SDK1: variants seen among roughly 807,000 people sequenced by gnomAD.
SDK1 encodes sidekick cell adhesion molecule 1.
Under a neutral mutation model 245.5 loss-of-function variants are expected in SDK1, and 157 were observed. The ratio of observed to expected loss-of-function variants is 0.64; its 90% CI spans 0.56 to 0.73. SDK1 has a LOEUF of 0.73. Ranked by LOEUF, SDK1 falls within the 30% of genes least tolerant of loss-of-function variation. The pLI is 0.00. For synonymous variants in SDK1, 1,647 were observed against 1,278.5 expected, an observed-to-expected ratio of 1.29 and a Z score of -6.15; for missense variants, 3,583 against 3,002.3, an observed-to-expected ratio of 1.19 and a Z score of -4.52.
intron 1 of SDK1, among the ~76,000 whole-genome samples, chr7:3,502,359 C>G (rs980258003): frequency 6.6e-6 from 1 of 152,142 alleles, no homozygotes; most frequent in African/African-American, 2.4e-5. Flanking sequence ...AAGCTATTCT[C>G]TTGCCTCAGC....
At chr7:3,329,699 C>G (rs938593333) in intron 1 of SDK1, among the ~76,000 whole-genome samples, 10 of 152,150 alleles carry the variant, frequency 6.6e-5, no homozygotes, top group African/African-American at 2.4e-4. Flanking sequence ...GTATGTATTA[C>G]TACAGTTGGT....
intron 22 of SDK1, among the ~76,000 whole-genome samples, chr7:4,100,874 T>G (rs1782492628): frequency 6.6e-6 from 1 of 152,092 alleles, no homozygotes; most frequent in Admixed American, 6.5e-5. Context: ...TGGGGGCCTG[T>G]GGGTTAACAA....
chr7:3,713,625 G>A (rs1379983743), intron 4 of SDK1, among the ~76,000 whole-genome samples: 1 of 152,150 alleles, frequency 6.6e-6, no homozygotes, highest in Non-Finnish European at 1.5e-5. Context: ...CGTCAGTTCT[G>A]TTAGAATAAG....
At position 3,496,179 on chromosome 7, in the gene SDK1, T is replaced by C. The variant is rs544437219; in HGVS notation, c.299-122901T>C. On this transcript the variant is annotated intron_variant, in intron 1 of 44. Transcript: ENST00000404826. ...CTTCTCTGTCACTGCTGCCTCCTCA[T>C]TGAAATGAGGCTAGCAGTGGGACCT... Among the ~76,000 whole-genome samples, 11 of 152,196 alleles carry C rather than the reference T, an allele frequency of 7.2e-5. No homozygotes were observed. The East Asian group carries it at 1.9e-3, about 27-fold the overall frequency.
chr7:3,514,560 G>C (rs1782680081), intron 1 of SDK1, among the ~76,000 whole-genome samples: 1 of 152,130 alleles, frequency 6.6e-6, no homozygotes, highest in Non-Finnish European at 1.5e-5. Flanking sequence ...TTCACCTCGT[G>C]TGTCTCGTCA....
At chr7:4,144,214 G>A (rs545744909) in intron 28 of SDK1, among the ~76,000 whole-genome samples, 1 of 152,260 alleles carries the variant, frequency 6.6e-6, no homozygotes, top group Non-Finnish European at 1.5e-5. Flanking sequence ...GACTGGGAAG[G>A]AACAGGAGTC....
intron 5 of SDK1, among the ~76,000 whole-genome samples, chr7:3,843,062 T>C (rs954697114): frequency 1.3e-5 from 2 of 152,114 alleles, no homozygotes; most frequent in African/African-American, 2.4e-5. Flanking sequence ...ATGAAGAGCC[T>C]GTGGCCGCTT....
chr7:3,385,870 G>C (rs535687129), intron 1 of SDK1, among the ~76,000 whole-genome samples: 1 of 152,108 alleles, frequency 6.6e-6, no homozygotes, highest in African/African-American at 2.4e-5. Context: ...CATTATTTCA[G>C]CACTTTAATG....
At chr7:3,338,341 G>A in intron 1 of SDK1, 2 of 506,354 alleles carry the variant, frequency 3.9e-6, no homozygotes, top group African/African-American at 1.9e-5. Context: ...CATGCTGTTG[G>A]CATTGTAAAC....
intron 1 of SDK1, among the ~76,000 whole-genome samples, chr7:3,320,972 A>G (rs1010249171): frequency 2.6e-5 from 4 of 152,170 alleles, no homozygotes; most frequent in Admixed American, 6.5e-5. Flanking sequence ...TGTTGCCTGT[A>G]TACTCCAGAC....
intron 1 of SDK1, among the ~76,000 whole-genome samples, chr7:3,448,736 A>G (rs1780420731): frequency 6.6e-6 from 1 of 152,166 alleles, no homozygotes; most frequent in Non-Finnish European, 1.5e-5. Flanking sequence ...CTGAATTTAA[A>G]TGCCATCAGT....
intron 5 of SDK1, among the ~76,000 whole-genome samples, chr7:3,836,451 G>A (rs1364320097): frequency 2.6e-5 from 4 of 152,178 alleles, no homozygotes; most frequent in Non-Finnish European, 4.4e-5. Flanking sequence ...TTTACTGAGT[G>A]TTCACTAAGC....
chr7:4,231,028 C>T (rs1785727093), intron 40 of SDK1, among the ~76,000 whole-genome samples: 1 of 152,086 alleles, frequency 6.6e-6, no homozygotes, highest in African/African-American at 2.4e-5. Flanking sequence ...GGCAACAGTT[C>T]TCCAGGTCCA....
At chr7:3,441,472 C>G (rs905374840) in intron 1 of SDK1, among the ~76,000 whole-genome samples, 4 of 152,084 alleles carry the variant, frequency 2.6e-5, no homozygotes, top group African/African-American at 7.2e-5. Context: ...AAAAGGCTTC[C>G]CTTCCTTCAC....
At chr7:4,190,383 G>A (rs1395604882) in intron 35 of SDK1, among the ~76,000 whole-genome samples, 1 of 152,212 alleles carries the variant, frequency 6.6e-6, no homozygotes, top group African/African-American at 2.4e-5. Context: ...TACTGTGCTG[G>A]TCACAGATGG....
At chr7:3,402,937 C>T (rs1023445645) in intron 1 of SDK1, among the ~76,000 whole-genome samples, 4 of 150,098 alleles carry the variant, frequency 2.7e-5, no homozygotes, top group Non-Finnish European at 5.9e-5. Context: ...ATTTCTATTC[C>T]TCTGTTTCTT....
rs570496002 is a variant in SDK1, at chr7:4,233,102, A to T, written c.5828-153A>T. On this transcript the variant is annotated intron_variant, in intron 40 of 44. Coordinates refer to ENST00000404826, the MANE Select transcript of SDK1 (RefSeq NM_152744.4). ...ACGCTCTTCGACTTGCGAAACTGAG[A>T]CTCCGTCCCCATTCAGCACTCACTC... is the stretch of plus-strand genomic sequence containing the variant. 8 of 643,486 alleles carry T rather than the reference A, an allele frequency of 1.2e-5. No homozygotes were observed. The East Asian group carries it at 2.1e-4, about 17-fold the overall frequency. 39.9% of individuals were successfully genotyped at this position (643,486 alleles called of 1,614,324 possible). A position where few individuals can be genotyped will look rare whatever the true frequency, so the allele number is the denominator to read the frequency against.
At chr7:4,136,703 G>A (rs1260205082) in intron 28 of SDK1, among the ~76,000 whole-genome samples, 2 of 152,248 alleles carry the variant, frequency 1.3e-5, no homozygotes, top group East Asian at 3.9e-4. Flanking sequence ...TGATGCGTGA[G>A]CTCTTCAGAC....
chr7:3,567,920 G>A (rs561094685), intron 1 of SDK1, among the ~76,000 whole-genome samples: 1 of 152,298 alleles, frequency 6.6e-6, no homozygotes, highest in South Asian at 2.1e-4. Context: ...CAAGTGGGCT[G>A]ATCTTCCCAC....
Sources: gnomAD v4.1 joint callset for allele counts (sites outside exome capture counted in the v4.1 genomes callset) on GRCh38, gnomAD v4.1.1 for gene constraint, MANE v1.5 for transcripts, NCBI Gene and HGNC (gene_info 2026-07-23, HGNC 2026-07-21) for gene names.